Variants in LRRIQ1 observed in about 807,000 individuals in gnomAD.
The protein encoded by LRRIQ1 is leucine rich repeats and IQ motif containing 1.
Under a neutral mutation model 211.9 loss-of-function variants are expected in LRRIQ1, and 210 were observed. The ratio of observed to expected loss-of-function variants is 0.99; its 90% CI spans 0.89 to 1.11. LRRIQ1 has a LOEUF of 1.11. Ranked by LOEUF, LRRIQ1 falls within the 50% of genes most tolerant of loss-of-function variation. The pLI, the probability that LRRIQ1 is intolerant of heterozygous loss-of-function variation, is 0.00. For synonymous variants in LRRIQ1, 699 were observed against 650.1 expected, an observed-to-expected ratio of 1.08 and a Z score of -1.14; for missense variants, 2,136 against 1,939.5, an observed-to-expected ratio of 1.10 and a Z score of -1.90.
intron 11 of LRRIQ1, among the ~76,000 whole-genome samples, chr12:85,097,360 C>A (rs932211216): frequency 1.3e-5 from 2 of 152,076 alleles, no homozygotes; most frequent in Non-Finnish European, 2.9e-5. Context: ...CTGCCACACA[C>A]TTTTAAACTC....
chr12:85,151,839 T>TA (rs986159571), intron 19 of LRRIQ1, among the ~76,000 whole-genome samples: 2 of 151,374 alleles, frequency 1.3e-5, no homozygotes, highest in Admixed American at 6.6e-5. Flanking sequence ...TTTGTGAAAA[T>TA]AAAAAAAATT....
intron 23 of LRRIQ1, among the ~76,000 whole-genome samples, chr12:85,157,119 A>G (rs1346448737): frequency 6.6e-6 from 1 of 151,900 alleles, no homozygotes; most frequent in African/African-American, 2.4e-5. Flanking sequence ...AATTTAAGAA[A>G]GTAGAATGTA....
At chr12:85,245,630 G>A (rs1895682294), downstream of LRRIQ1, among the ~76,000 whole-genome samples, 1 of 150,706 alleles carries the variant, frequency 6.6e-6, no homozygotes, top group Non-Finnish European at 1.5e-5. Context: ...GCTGTATCTT[G>A]TGGTATTTCA....
intron 11 of LRRIQ1, among the ~76,000 whole-genome samples, chr12:85,097,500 C>G (rs1165704667): frequency 6.7e-6 from 1 of 149,968 alleles, no homozygotes; most frequent in African/African-American, 2.5e-5. Context: ...TGAGTGAGAA[C>G]ATGCGGTGTT....
intron 17 of LRRIQ1, among the ~76,000 whole-genome samples, chr12:85,127,281 G>A (rs1888434854): frequency 6.6e-6 from 1 of 152,182 alleles, no homozygotes; most frequent in Admixed American, 6.5e-5. Flanking sequence ...AAATAGATGT[G>A]GACCAGAAAA....
At chr12:85,119,881 G>A (rs1229941383) in intron 15 of LRRIQ1, among the ~76,000 whole-genome samples, 1 of 152,086 alleles carries the variant, frequency 6.6e-6, no homozygotes, top group Non-Finnish European at 1.5e-5. Flanking sequence ...TTTTCTGATT[G>A]TTGACTTTTG....
intron 24 of LRRIQ1, among the ~76,000 whole-genome samples, chr12:85,184,900 T>C (rs1034596523): frequency 6.6e-6 from 1 of 151,932 alleles, no homozygotes; most frequent in Non-Finnish European, 1.5e-5. Context: ...TAAAATATGA[T>C]TTTTAAAAAG....
intron 2 of LRRIQ1, among the ~76,000 whole-genome samples, chr12:85,039,004 G>T (rs965332914): frequency 6.6e-6 from 1 of 150,956 alleles, no homozygotes; most frequent in African/African-American, 2.4e-5. Context: ...TTTTGAAAAA[G>T]AAAATTTTTT....
downstream of LRRIQ1, among the ~76,000 whole-genome samples, chr12:85,266,499 A>G (rs1376646084): frequency 6.6e-6 from 1 of 152,162 alleles, no homozygotes; most frequent in Admixed American, 6.6e-5. Flanking sequence ...CAGATCATCT[A>G]CATTACTGGG....
chr12:85,060,360 AT>A (rs1409727132), intron 8 of LRRIQ1, among the ~76,000 whole-genome samples: 1 of 151,928 alleles, frequency 6.6e-6, no homozygotes, highest in Non-Finnish European at 1.5e-5. Context: ...ATATATTTTT[AT>A]TTTTTATTTT....
intron 1 of LRRIQ1, among the ~76,000 whole-genome samples, chr12:85,250,969 A>ATATATTATATTT (rs1895924291): frequency 1.3e-5 from 1 of 76,948 alleles, no homozygotes; most frequent in African/African-American, 4.5e-5. Context: ...ATATTATATT[A>ATATATTATATTT]TATATATTAT....
At chr12:85,142,017 G>A (rs1279469248) in intron 19 of LRRIQ1, among the ~76,000 whole-genome samples, 2 of 150,942 alleles carry the variant, frequency 1.3e-5, no homozygotes, top group Non-Finnish European at 3.0e-5. Flanking sequence ...TTGATTGCTT[G>A]AAAATTTATT....
intron 11 of LRRIQ1, among the ~76,000 whole-genome samples, chr12:85,096,181 G>A (rs1292373751): frequency 6.6e-6 from 1 of 152,028 alleles, no homozygotes; most frequent in Non-Finnish European, 1.5e-5. Flanking sequence ...GGTGATTTTA[G>A]TTATTTCTTT....
chr12:85,264,010 A>C (rs1459196921), exon 2 of LRRIQ1: 1 of 152,024 alleles, frequency 6.6e-6, no homozygotes, highest in Non-Finnish European at 1.5e-5. Flanking sequence ...ATAGTATTTC[A>C]GTTACTTTCC....
At chr12:85,157,001 TTC>T (rs1228040282) in intron 23 of LRRIQ1, among the ~76,000 whole-genome samples, 2 of 151,910 alleles carry the variant, frequency 1.3e-5, no homozygotes, top group Non-Finnish European at 2.9e-5. Flanking sequence ...ACTTCATATT[TTC>T]TGTTTGTATT....
chr12:85,162,844 G>T (rs1272879753), intron 24 of LRRIQ1: 1 of 452,478 alleles, frequency 2.2e-6, no homozygotes, highest in Non-Finnish European at 4.4e-6. Context: ...TGAGTTTTAT[G>T]TATTTACCAG....
intron 20 of LRRIQ1, among the ~76,000 whole-genome samples, chr12:85,152,795 C>A (rs961101450): frequency 1.3e-5 from 2 of 151,474 alleles, no homozygotes; most frequent in Admixed American, 6.6e-5. Context: ...TTTTAAAGAT[C>A]TTTGCAATTA....
At chr12:85,156,610 A>C (rs947256929) in intron 23 of LRRIQ1, among the ~76,000 whole-genome samples, 39 of 152,018 alleles carry the variant, frequency 2.6e-4, no homozygotes, top group African/African-American at 9.4e-4. Context: ...TAATGACCAT[A>C]ATTTAAATTT....
At chr12:85,261,801 A>ATTTATTTGTTTGTTTG (rs752042225) in intron 1 of LRRIQ1, among the ~76,000 whole-genome samples, 48 of 149,128 alleles carry the variant, frequency 3.2e-4, no homozygotes, top group African/African-American at 1.0e-3. Flanking sequence ...TTATTTATTT[A>ATTTATTTGTTTGTTTG]TTTTTGAGAC....
Sources: gnomAD v4.1 joint callset for allele counts (sites outside exome capture counted in the v4.1 genomes callset) on GRCh38, gnomAD v4.1.1 for gene constraint, MANE v1.5 for transcripts, NCBI Gene and HGNC (gene_info 2026-07-23, HGNC 2026-07-21) for gene names.